RBFOX1: variants seen among roughly 807,000 people sequenced by gnomAD.
The protein encoded by RBFOX1 is RNA binding protein fox-1 homolog 1.
A neutral mutation model predicts 57.7 loss-of-function variants in RBFOX1; 8 were observed. That is an observed-to-expected ratio of 0.14 (90% CI 0.08 to 0.25). The LOEUF (loss-of-function observed/expected upper bound fraction) is 0.25, where lower values mean the gene tolerates loss of function less well. Among genes scored for constraint, RBFOX1 ranks in the 10% least tolerant of loss-of-function variants. The probability of loss-of-function intolerance (pLI) is 1.00; values close to 1 mark genes in which losing one functional copy is unlikely to be tolerated. For synonymous variants in RBFOX1, 326 were observed against 222.4 expected, an observed-to-expected ratio of 1.47 and a Z score of -4.15; for missense variants, 611 against 548.5, an observed-to-expected ratio of 1.11 and a Z score of -1.14.
chr16:5,584,699 A>G (rs886650354), intron 2 of RBFOX1, among the ~76,000 whole-genome samples: 2 of 152,130 alleles, frequency 1.3e-5, no homozygotes, highest in Non-Finnish European at 2.9e-5. Context: ...GGGTATTGTT[A>G]ACCAGTCCCC....
Position 7,313,483 on chromosome 16 carries a change from T to TC in RBFOX1, c.28-204664_28-204663insC, listed in dbSNP as rs1182198839. Among the ~76,000 whole-genome samples, 3 of 151,022 alleles carry TC rather than the reference T, an allele frequency of 2.0e-5. 1 individual carries two copies. The highest frequency in any genetic ancestry group is 2.0e-4 in the Admixed American group (3 of 15,170). ...TTTTTTTCTTTTCTTGTCTTTTTTTTTTTAAGGCTCTTTGGTTCCGTTCAA... is the reference window on the plus strand; with the variant it reads ...TTTTTTTCTTTTCTTGTCTTTTTTTTCTTTAAGGCTCTTTGGTTCCGTTCAA... On this transcript the variant is annotated intron_variant, in intron 4 of 15. Coordinates refer to ENST00000550418, the MANE Select transcript of RBFOX1 (RefSeq NM_018723.4).
intron 1 of RBFOX1, among the ~76,000 whole-genome samples, chr16:6,311,254 C>T (rs1008519691): frequency 7.1e-6 from 1 of 141,238 alleles, no homozygotes; most frequent in Non-Finnish European, 1.5e-5. Context: ...TGAGATCGTG[C>T]CACCGTACTC....
chr16:7,185,160 C>T (rs572528445), intron 4 of RBFOX1, among the ~76,000 whole-genome samples: 39 of 152,034 alleles, frequency 2.6e-4, no homozygotes, highest in African/African-American at 7.5e-4. Context: ...AAGTGTCAAC[C>T]GCAGAATAAG....
intron 3 of RBFOX1, among the ~76,000 whole-genome samples, chr16:5,642,174 C>T (rs184368407): frequency 1.8e-3 from 272 of 152,224 alleles, no homozygotes; most frequent in Non-Finnish European, 3.2e-3. Flanking sequence ...ATCAGTCTGT[C>T]GGGGAGCAGT....
chr16:6,365,640 C>G (rs546423936), intron 2 of RBFOX1, among the ~76,000 whole-genome samples: 3 of 152,262 alleles, frequency 2.0e-5, no homozygotes, highest in African/African-American at 7.2e-5. Flanking sequence ...GACCACTTCA[C>G]CAATTCTTCT....
At chr16:7,275,620 T>G (rs1315479089) in intron 4 of RBFOX1, among the ~76,000 whole-genome samples, 3 of 151,010 alleles carry the variant, frequency 2.0e-5, no homozygotes, top group Non-Finnish European at 3.0e-5. Context: ...TAGGTTGGAT[T>G]GAAATCTGTG....
chr16:7,129,876 A>G (rs2069739751), intron 4 of RBFOX1, among the ~76,000 whole-genome samples: 1 of 152,062 alleles, frequency 6.6e-6, no homozygotes, highest in African/African-American at 2.4e-5. Flanking sequence ...ATGGTGGATG[A>G]AAAAATAAGC....
intron 9 of RBFOX1, among the ~76,000 whole-genome samples, chr16:7,601,438 C>G (rs545011334): frequency 1.2e-4 from 19 of 152,104 alleles, no homozygotes; most frequent in African/African-American, 4.6e-4. Context: ...TCATATTATT[C>G]CTTTATTGTC....
chr16:6,130,122 A>T (rs1398042858), intron 1 of RBFOX1, among the ~76,000 whole-genome samples: 2 of 152,292 alleles, frequency 1.3e-5, no homozygotes, highest in South Asian at 4.1e-4. Flanking sequence ...GGTCTACCAT[A>T]GGTATATTAA....
intron 4 of RBFOX1, among the ~76,000 whole-genome samples, chr16:5,895,266 A>G (rs1436815671): frequency 1.3e-5 from 2 of 152,250 alleles, no homozygotes; most frequent in African/African-American, 2.4e-5. Flanking sequence ...AATGTGGTCC[A>G]GATGCCTGTC....
chr16:5,722,692 C>T (rs2151537750), intron 3 of RBFOX1, among the ~76,000 whole-genome samples: 1 of 152,310 alleles, frequency 6.6e-6, no homozygotes, highest in South Asian at 2.1e-4. Context: ...CTTTCTCAAA[C>T]ATACCCAGCT....
chr16:6,509,790 C>G (rs1598515204), intron 2 of RBFOX1, among the ~76,000 whole-genome samples: 2 of 152,148 alleles, frequency 1.3e-5, no homozygotes, highest in East Asian at 1.9e-4. Flanking sequence ...CAAAATATCT[C>G]ATGTAACTCA....
chr16:5,789,107 C>T (rs1318147861), intron 3 of RBFOX1, among the ~76,000 whole-genome samples: 1 of 152,158 alleles, frequency 6.6e-6, no homozygotes, highest in African/African-American at 2.4e-5. Flanking sequence ...CTCTCTCTCA[C>T]ACAGCACCAA....
intron 14 of RBFOX1, among the ~76,000 whole-genome samples, chr16:7,677,196 C>T (rs1044007557): frequency 2.1e-5 from 3 of 143,082 alleles, no homozygotes; most frequent in East Asian, 2.0e-4. Flanking sequence ...CATAAGACCA[C>T]GGTTTCATCT....
chr16:7,050,464 C>G (rs1259621204), intron 3 of RBFOX1, among the ~76,000 whole-genome samples: 2 of 151,990 alleles, frequency 1.3e-5, no homozygotes, highest in Admixed American at 6.6e-5. Flanking sequence ...AGAGGTTTCA[C>G]CATATTGGCC....
At chr16:6,557,122 CATACATATACATAT>C (rs1343827444) in intron 2 of RBFOX1, among the ~76,000 whole-genome samples, 94 of 139,398 alleles carry the variant, frequency 6.7e-4, no homozygotes, top group Non-Finnish European at 1.1e-3. Context: ...TACATATATA[CATACATATACATAT>C]ATACATATAT....
intron 3 of RBFOX1, among the ~76,000 whole-genome samples, chr16:6,772,134 A>T (rs980700711): frequency 1.3e-5 from 2 of 151,924 alleles, no homozygotes; most frequent in East Asian, 3.9e-4. Context: ...ACTTCCCCCA[A>T]GTTTGTGGTC....
intron 1 of RBFOX1, among the ~76,000 whole-genome samples, chr16:6,228,383 C>A (rs145954708): frequency 6.6e-6 from 1 of 150,866 alleles, no homozygotes; most frequent in East Asian, 2.0e-4. Context: ...ACCTAAGTGT[C>A]CCTGAACAGA....
At chr16:5,456,125 G>A (rs534741435) in intron 1 of RBFOX1, among the ~76,000 whole-genome samples, 2 of 151,288 alleles carry the variant, frequency 1.3e-5, no homozygotes, top group South Asian at 2.1e-4. Flanking sequence ...AAAAAAAAAC[G>A]TGCTTAACAT....
Sources: allele counts gnomAD v4.1 joint callset (sites outside exome capture counted in the v4.1 genomes callset), GRCh38; gene constraint gnomAD v4.1.1; transcripts MANE v1.5; gene names NCBI Gene and HGNC (gene_info 2026-07-23, HGNC 2026-07-21).